The following DGKI variants were observed in gnomAD, a reference collection of about 807,000 sequenced individuals.
DGKI encodes DAG kinase iota.
DGKI carries 55 observed loss-of-function variants against 147.5 expected under a neutral mutation model. The ratio of observed to expected loss-of-function variants is 0.37; its 90% CI spans 0.30 to 0.47. The LOEUF (loss-of-function observed/expected upper bound fraction) is 0.47, where lower values mean the gene tolerates loss of function less well. Among genes scored for constraint, DGKI ranks in the 20% least tolerant of loss-of-function variants. The pLI is 1.00. For synonymous variants in DGKI, 469 were observed against 477.1 expected, an observed-to-expected ratio of 0.98 and a Z score of 0.22; for missense variants, 1,007 against 1,323.8, an observed-to-expected ratio of 0.76 and a Z score of 3.71.
At chr7:137,686,640 T>C (rs895293788) in intron 2 of DGKI, among the ~76,000 whole-genome samples, 3 of 152,184 alleles carry the variant, frequency 2.0e-5, no homozygotes, top group African/African-American at 7.2e-5. Context: ...AATGGAATGC[T>C]TAAAGAGAAG....
chr7:137,551,988 A>G (rs1428241853), intron 20 of DGKI, among the ~76,000 whole-genome samples: 2 of 152,200 alleles, frequency 1.3e-5, no homozygotes, highest in Non-Finnish European at 2.9e-5. Flanking sequence ...TCTCCAAGCG[A>G]CCTGGGTAAA....
intron 1 of DGKI, among the ~76,000 whole-genome samples, chr7:137,789,462 A>G (rs888595273): frequency 6.6e-6 from 1 of 152,126 alleles, no homozygotes; most frequent in Non-Finnish European, 1.5e-5. Flanking sequence ...ATATAAGATA[A>G]GATTTAGCAA....
intron 1 of DGKI, among the ~76,000 whole-genome samples, 163 bp from the exon 2 acceptor site, chr7:137,690,165 T>C (rs559731707): frequency 1.3e-5 from 2 of 152,298 alleles, no homozygotes; most frequent in Admixed American, 6.5e-5. Context: ...CTAAAGTGCA[T>C]GGTGTCCAAA....
chr7:137,819,576 C>G (rs1011790308), intron 1 of DGKI, among the ~76,000 whole-genome samples: 1 of 152,172 alleles, frequency 6.6e-6, no homozygotes. Flanking sequence ...TCCCAAAGTG[C>G]TGGGATTACA....
intron 28 of DGKI, among the ~76,000 whole-genome samples, chr7:137,437,692 G>A (rs912600031): frequency 1.1e-4 from 17 of 151,972 alleles, no homozygotes; most frequent in African/African-American, 4.1e-4. Context: ...ACTCCCAAAG[G>A]ACAAATTACA....
intron 27 of DGKI, among the ~76,000 whole-genome samples, chr7:137,455,401 CTG>C (rs1428959318): frequency 1.3e-5 from 2 of 152,032 alleles, no homozygotes; most frequent in African/African-American, 4.8e-5. Flanking sequence ...GCTCGACAGA[CTG>C]TGAGAATAAT....
chr7:137,645,584 A>G, intron 5 of DGKI, 47 bp from the exon 6 acceptor site: 4 of 1,531,056 alleles, frequency 2.6e-6, no homozygotes, highest in Non-Finnish European at 3.5e-6. Flanking sequence ...ATTTATTTCT[A>G]TAGACAGGGT....
chr7:137,405,573 A>G (rs958503450), intron 30 of DGKI, among the ~76,000 whole-genome samples: 2 of 152,086 alleles, frequency 1.3e-5, no homozygotes, highest in Non-Finnish European at 2.9e-5. Context: ...ATCTCCATGA[A>G]TTTTTCACAG....
At chr7:137,458,980 A>G (rs1814312806) in intron 27 of DGKI, among the ~76,000 whole-genome samples, 1 of 151,766 alleles carries the variant, frequency 6.6e-6, no homozygotes, top group Non-Finnish European at 1.5e-5. Context: ...TGGTTCTTAA[A>G]TATTTGTTAT....
intron 27 of DGKI, among the ~76,000 whole-genome samples, chr7:137,460,735 T>C (rs1814405456): frequency 6.6e-6 from 1 of 152,188 alleles, no homozygotes; most frequent in African/African-American, 2.4e-5. Flanking sequence ...CAATTAGAGA[T>C]ACTCCAACTT....
Position 137,633,927 on chromosome 7 carries a change from TCAG to T in DGKI, c.805-10376_805-10374del, listed in dbSNP as rs1821223386. On this transcript the variant is annotated intron_variant, in intron 6 of 32. Transcript: ENST00000614521. ...GTAGAACATCATTTGGTCCACCATA[TCAG>T]CAGCATCACATTAAAGCAGATGAGC... Among the ~76,000 whole-genome samples, 7 of 152,272 alleles carry T rather than the reference TCAG, an allele frequency of 4.6e-5. No homozygotes were observed. In the South Asian group the frequency reaches 1.5e-3, roughly 32 times the overall value.
intron 1 of DGKI, among the ~76,000 whole-genome samples, chr7:137,828,935 C>T (rs1171619100): frequency 5.3e-5 from 8 of 152,212 alleles, no homozygotes; most frequent in Admixed American, 3.9e-4. Flanking sequence ...TAACCTGAAG[C>T]TACACATCCA....
At chr7:137,689,559 C>T (rs1660656120) in intron 2 of DGKI, among the ~76,000 whole-genome samples, 8 of 152,150 alleles carry the variant, frequency 5.3e-5, no homozygotes, top group African/African-American at 7.2e-5. Context: ...ACTTAGATTG[C>T]GAGATGTTGC....
chr7:137,638,622 A>ATATGTG (rs1563125919), intron 6 of DGKI, among the ~76,000 whole-genome samples: 1 of 22,574 alleles, frequency 4.4e-5, no homozygotes, highest in Admixed American at 7.0e-4. Flanking sequence ...ACACACACAC[A>ATATGTG]TATATATGTG....
At chr7:137,601,264 C>CT (rs967943041) in intron 10 of DGKI, among the ~76,000 whole-genome samples, 5 of 150,518 alleles carry the variant, frequency 3.3e-5, no homozygotes, top group African/African-American at 1.2e-4. Flanking sequence ...GAGCGAGACT[C>CT]TGTCTCAAAA....
intron 1 of DGKI, among the ~76,000 whole-genome samples, chr7:137,760,182 A>C (rs1003123083): frequency 6.6e-6 from 1 of 151,934 alleles, no homozygotes; most frequent in Non-Finnish European, 1.5e-5. Context: ...TTTCCCTTGC[A>C]CTCACTGTTG....
intron 6 of DGKI, among the ~76,000 whole-genome samples, chr7:137,642,557 C>A (rs1249911418): frequency 6.6e-6 from 1 of 152,142 alleles, no homozygotes; most frequent in Non-Finnish European, 1.5e-5. Flanking sequence ...TCTGCCTTGA[C>A]CCTGACTCTT....
chr7:137,424,395 G>C (rs563231919), intron 28 of DGKI, among the ~76,000 whole-genome samples: 1 of 152,152 alleles, frequency 6.6e-6, no homozygotes, highest in African/African-American at 2.4e-5. Flanking sequence ...TTAAGAAAAA[G>C]AGAGGGGTCG....
chr7:137,427,329 A>T (rs1308690729), intron 28 of DGKI, among the ~76,000 whole-genome samples: 1 of 152,250 alleles, frequency 6.6e-6, no homozygotes, highest in African/African-American at 2.4e-5. Flanking sequence ...GAAGGCAGAA[A>T]TAAAGATGTT....
Sources: gnomAD v4.1 joint callset for allele counts (sites outside exome capture counted in the v4.1 genomes callset) on GRCh38, gnomAD v4.1.1 for gene constraint, MANE v1.5 for transcripts, NCBI Gene and HGNC (gene_info 2026-07-23, HGNC 2026-07-21) for gene names.